Variants in FBXO32 observed in about 807,000 individuals in gnomAD.
FBXO32 encodes F-box protein 32.
Under a neutral mutation model 48.3 loss-of-function variants are expected in FBXO32, and 15 were observed. The observed-to-expected ratio is 0.31, with a 90% CI of 0.21 to 0.48. The LOEUF (loss-of-function observed/expected upper bound fraction) is 0.48, where lower values mean the gene tolerates loss of function less well. Ranked by LOEUF, FBXO32 falls within the 20% of genes least tolerant of loss-of-function variation. The probability of loss-of-function intolerance (pLI) is 0.99; values close to 1 mark genes in which losing one functional copy is unlikely to be tolerated. For missense variants in FBXO32, 309 were observed against 432.7 expected (o/e 0.71, Z 2.54); for synonymous variants, 154 against 165.9 (o/e 0.93, Z 0.55).
At position 123,531,910 on chromosome 8, in the gene FBXO32, G is replaced by T; in HGVS notation, c.360C>A (p.Asn120Lys). 1.9e-6 allele frequency: 3 copies of T among 1,614,164 alleles called. No individual in the cohort carries two copies. The South Asian group carries it at 3.3e-5, about 18-fold the overall frequency. Residue 120 changes from asparagine (N) to lysine (K), a missense_variant, in exon 4 of 9, where the codon AAC (asparagine) becomes AAA (lysine). Physicochemically the swap from Asn to Lys is moderately conservative, Grantham distance 94 (BLOSUM62 0). Transcript: ENST00000517956. ...ACTTGAGACTTACCCGGACCACGTA[G>T]TTAAATCTTCTGGAATCCAGAATGG... ...STAILDSRRF[N>K]YVVRLLELIA...
At chr8:123,507,605 C>T (rs993313001) in intron 6 of FBXO32, among the ~76,000 whole-genome samples, 2 of 152,092 alleles carry the variant, frequency 1.3e-5, no homozygotes, top group Non-Finnish European at 2.9e-5. Flanking sequence ...GTGGATGATA[C>T]CTTGGCAATT....
chr8:123,509,592 C>T (rs1455923425), intron 6 of FBXO32, among the ~76,000 whole-genome samples: 3 of 151,924 alleles, frequency 2.0e-5, no homozygotes, highest in African/African-American at 7.3e-5. Flanking sequence ...CCCAGCTACT[C>T]GGGAGGCTGA....
intron 1 of FBXO32, 99 bp from the exon 2 acceptor site, chr8:123,534,913 A>C: frequency 1.5e-6 from 1 of 646,974 alleles, no homozygotes; most frequent in Non-Finnish European, 2.6e-6. Context: ...ACAAACAAAC[A>C]TACAGGCTTC....
chr8:123,533,863 G>A (rs913559799), intron 2 of FBXO32, among the ~76,000 whole-genome samples: 7 of 151,348 alleles, frequency 4.6e-5, no homozygotes, highest in Admixed American at 1.3e-4. Flanking sequence ...TGAACAGAGC[G>A]GGGTAGATCG....
Position 123,506,414 on chromosome 8 carries a change from T to C in FBXO32, c.812A>G (p.Gln271Arg). The change falls in exon 7 of 9, where the codon CAG becomes CGG. Residue 271 changes from glutamine to arginine, a missense_variant. Physicochemically the swap from Gln to Arg is conservative, Grantham distance 43. Coordinates refer to ENST00000517956, the MANE Select transcript of FBXO32 (RefSeq NM_058229.4). This position sits in a 1 kb window ranked among gnomAD's most constrained non-coding sequence, Gnocchi z 4.0. ...EDRLLWKKLCQYHFSERQIRK... is the reference protein window; with the variant it reads ...EDRLLWKKLCRYHFSERQIRK... Reference sequence around the variant, plus strand: ...GACCTGCCGCTCGGAGAAGTGGTACTGGCAGAGTTTCTTCCACAGCAGCCG... The same window carrying C: ...GACCTGCCGCTCGGAGAAGTGGTACCGGCAGAGTTTCTTCCACAGCAGCCG... 2 of 1,614,086 alleles carry C rather than the reference T, an allele frequency of 1.2e-6. No individual in the cohort carries two copies. Among genetic ancestry groups the C allele is most frequent in the Non-Finnish European group, 1.7e-6 (2 of 1,180,012 alleles).
chr8:123,535,424 G>C (rs2130560428), intron 1 of FBXO32, among the ~76,000 whole-genome samples: 1 of 152,322 alleles, frequency 6.6e-6, no homozygotes, highest in South Asian at 2.1e-4. Context: ...TGTAGTGCCA[G>C]TTGCTTAGGT....
At position 123,527,668 on chromosome 8, in the gene FBXO32, T is replaced by C. The variant is rs145437120; in HGVS notation, c.372+4230A>G. Among the ~76,000 whole-genome samples the C allele has an allele frequency of 6.3e-4, 96 of 152,364 alleles. 1 individual carries two copies. In the East Asian group the frequency reaches 0.011, roughly 18 times the overall value. ...ATCACCCTGGAAAGATGGTTGGATA[T>C]GCTAAAATCCTACTTAACTTTCTGA... On this transcript the variant is annotated intron_variant, in intron 4 of 8. Coordinates refer to ENST00000517956, the MANE Select transcript of FBXO32 (RefSeq NM_058229.4).
chr8:123,530,763 C>T (rs185127023), intron 4 of FBXO32, among the ~76,000 whole-genome samples: 100 of 151,394 alleles, frequency 6.6e-4, no homozygotes, highest in African/African-American at 2.4e-3. Flanking sequence ...TACAGGCGCC[C>T]ACCACCACAC....
intron 4 of FBXO32, among the ~76,000 whole-genome samples, chr8:123,524,091 GTCTA>G (rs1408775333): frequency 6.6e-6 from 1 of 152,210 alleles, no homozygotes; most frequent in Non-Finnish European, 1.5e-5. Context: ...ACTATTAGGA[GTCTA>G]TGCTCTAGTC....
intron 3 of FBXO32, chr8:123,532,269 A>C: frequency 1.0e-6 from 1 of 987,204 alleles, no homozygotes; most frequent in South Asian, 2.5e-5. Flanking sequence ...ATTTTTCCAC[A>C]TATTAGTCTG....
In FBXO32 at chr8:123,500,554, A is replaced by G. The variant is rs1375753582; in HGVS notation, c.*2819T>C. 2 of 152,188 alleles carry G rather than the reference A, an allele frequency of 1.3e-5. No individual in the cohort carries two copies. The highest frequency in any genetic ancestry group is 2.9e-5 in the Non-Finnish European group (2 of 68,042). The allele number at this position is 152,188 out of a possible 1,614,324, so 9.4% of individuals were successfully genotyped here. On this transcript the variant is annotated 3_prime_UTR_variant, in exon 9 of 9. Transcript: ENST00000517956. ...GGGATGGTTTGCCAATAGAAATTCT[A>G]TAGACTATTATTGTTCAAAGAGCAA...
chr8:123,504,568 C>T, intron 8 of FBXO32, 36 bp downstream of exon 8: 1 of 1,536,798 alleles, frequency 6.5e-7, no homozygotes, highest in South Asian at 1.1e-5. Flanking sequence ...AGGGGCTGGG[C>T]TGGGGGTCTG....
chr8:123,507,111 TCCTCTG>T (rs1370195743), intron 6 of FBXO32, among the ~76,000 whole-genome samples: 1 of 152,184 alleles, frequency 6.6e-6, no homozygotes, highest in Non-Finnish European at 1.5e-5. Flanking sequence ...CAAACCTACT[TCCTCTG>T]AAAGGCCTTT....
At chr8:123,503,939 T>C (rs148183917) in intron 8 of FBXO32, among the ~76,000 whole-genome samples, 1 of 152,138 alleles carries the variant, frequency 6.6e-6, no homozygotes, top group Non-Finnish European at 1.5e-5. Context: ...TTAGCCTGGG[T>C]GTGGTGGCAT....
chr8:123,504,505 G>T, intron 8 of FBXO32, 99 bp downstream of exon 8: 1 of 1,137,148 alleles, frequency 8.8e-7, no homozygotes, highest in Non-Finnish European at 1.2e-6. Context: ...CTGTGATGGG[G>T]AAGAGGCGGA....
chr8:123,534,453 C>T (rs1194300669), intron 2 of FBXO32, among the ~76,000 whole-genome samples: 1 of 152,084 alleles, frequency 6.6e-6, no homozygotes, highest in East Asian at 1.9e-4. Flanking sequence ...ATACGAATGA[C>T]TAGCAGGAAA....
intron 1 of FBXO32, among the ~76,000 whole-genome samples, chr8:123,535,504 T>C (rs747202671): frequency 2.6e-5 from 4 of 152,200 alleles, no homozygotes; most frequent in Non-Finnish European, 4.4e-5. Context: ...GTCTTGACTA[T>C]ACAAGGTAAA....
chr8:123,541,039 T>C lies in FBXO32; in HGVS notation c.-25A>G, dbSNP rs1817401283. On this transcript the variant is annotated 5_prime_UTR_variant, in exon 1 of 9. Transcript: ENST00000517956. Reference sequence around the variant, plus strand: ...TGGCACCGCGAGCGGACTAGACGGATGGGGAGACGGGGCCGGCCTGGTGGG... The same window carrying C: ...TGGCACCGCGAGCGGACTAGACGGACGGGGAGACGGGGCCGGCCTGGTGGG... 2.0e-6 allele frequency: 3 copies of C among 1,522,386 alleles called. No individual in the cohort carries two copies. Among genetic ancestry groups the C allele is most frequent in the Non-Finnish European group, 2.7e-6 (3 of 1,115,352 alleles). 94.3% of individuals were successfully genotyped at this position (1,522,386 alleles called of 1,614,324 possible). A position where few individuals can be genotyped will look rare whatever the true frequency, so the allele number is the denominator to read the frequency against.
At chr8:123,532,194 A>G in intron 3 of FBXO32, 1 of 1,370,108 alleles carries the variant, frequency 7.3e-7, no homozygotes, top group South Asian at 1.7e-5. Context: ...CAGCTGCCTC[A>G]GTCAGCCCCT....
Sources: allele counts gnomAD v4.1 joint callset (sites outside exome capture counted in the v4.1 genomes callset), GRCh38; gene constraint gnomAD v4.1.1; non-coding constraint Gnocchi (gnomAD v3.1); transcripts MANE v1.5; gene names NCBI Gene and HGNC (gene_info 2026-07-23, HGNC 2026-07-21).